TMPRSS11F: variants seen among roughly 807,000 people sequenced by gnomAD.
TMPRSS11F encodes transmembrane serine protease 11F.
Under a neutral mutation model 60.2 loss-of-function variants are expected in TMPRSS11F, and 47 were observed. The ratio of observed to expected loss-of-function variants is 0.78; its 90% CI spans 0.62 to 1.00. The LOEUF is 1.00. Among genes scored for constraint, TMPRSS11F ranks in the 50% least tolerant of loss-of-function variants. The pLI, the probability that TMPRSS11F is intolerant of heterozygous loss-of-function variation, is 0.00. For missense variants in TMPRSS11F, 519 were observed against 522.9 expected, an observed-to-expected ratio of 0.99 and a Z score of 0.07; for synonymous variants, 166 against 167.3, an observed-to-expected ratio of 0.99 and a Z score of 0.06.
chr4:68,122,178 C>A (rs537764104), intron 1 of TMPRSS11F, among the ~76,000 whole-genome samples: 1 of 151,980 alleles, frequency 6.6e-6, no homozygotes, highest in African/African-American at 2.4e-5. Flanking sequence ...AACTGTTGAG[C>A]TTTAAAAGAA....
Position 68,098,013 on chromosome 4 carries a change from T to C in TMPRSS11F, c.163+874A>G, listed in dbSNP as rs113079091. On this transcript the variant is annotated intron_variant, in intron 2 of 9. Transcript: ENST00000356291. ...AGTCTCAATCACCTGTGATTAAAAA[T>C]GCAGAAATCGGCGGGGCATGGTGGC... Among the ~76,000 whole-genome samples, 208 of 152,268 alleles carry C rather than the reference T, an allele frequency of 1.4e-3. 3 individuals carry two copies. Among genetic ancestry groups the C allele is most frequent in the African/African-American group, 4.9e-3 (204 of 41,558 alleles).
At chr4:68,098,761 A>T (rs1724129693) in intron 2 of TMPRSS11F, 126 bp downstream of exon 2, 1 of 868,868 alleles carries the variant, frequency 1.2e-6, no homozygotes, top group Non-Finnish European at 1.7e-6. Flanking sequence ...CTATAATTTA[A>T]CATCAGTAAA....
intron 8 of TMPRSS11F, chr4:68,063,216 A>G (rs980291675): frequency 7.7e-5 from 45 of 587,236 alleles, no homozygotes; most frequent in Non-Finnish European, 1.4e-4. Context: ...TACTTTTCTA[A>G]AACAGGTAAG....
At chr4:68,110,280 A>G (rs1212126574) in intron 1 of TMPRSS11F, among the ~76,000 whole-genome samples, 2 of 152,202 alleles carry the variant, frequency 1.3e-5, no homozygotes, top group African/African-American at 2.4e-5. Context: ...GCAGCAATGG[A>G]GAACAAATAC....
intron 4 of TMPRSS11F, among the ~76,000 whole-genome samples, chr4:68,072,818 C>T (rs558318819): frequency 6.6e-6 from 1 of 152,202 alleles, no homozygotes; most frequent in East Asian, 1.9e-4. Context: ...ACTTAAAAGG[C>T]TTGCTTTTTA....
Position 68,068,705 on chromosome 4 carries a change from C to T in TMPRSS11F, c.668G>A (p.Ser223Asn). The T allele has an allele frequency of 6.2e-7, 1 of 1,614,202 alleles. No individual in the cohort carries two copies. The change falls in exon 7 of 10, where the codon AGC becomes AAC. Residue 223 changes from serine to asparagine, a missense_variant. By Grantham distance (46) the Ser-to-Asn change is conservative (BLOSUM62 1). Coordinates refer to ENST00000356291, the MANE Select transcript of TMPRSS11F (RefSeq NM_207407.2). The part of the protein sequence containing the change: ...AMEGEWPWQA[S>N]LQLIGSGHQC... ...ATGGCCTGACCCTATGAGCTGGAGG[C>T]TGGCCTGCCATGGCCATTCCCCTTC...
intron 1 of TMPRSS11F, among the ~76,000 whole-genome samples, chr4:68,127,495 CT>C (rs1285314531): frequency 6.7e-6 from 1 of 150,246 alleles, no homozygotes; most frequent in African/African-American, 2.4e-5. Flanking sequence ...ATGAAAAAAA[CT>C]TGAATAACCT....
intron 8 of TMPRSS11F, chr4:68,062,287 T>C (rs572400772): frequency 8.1e-5 from 35 of 431,148 alleles, no homozygotes; most frequent in Non-Finnish European, 1.4e-4. Flanking sequence ...AAACATCTTA[T>C]TAAATTTCTG....
At chr4:68,058,004 A>G (rs1201282235) in intron 9 of TMPRSS11F, among the ~76,000 whole-genome samples, 1 of 152,218 alleles carries the variant, frequency 6.6e-6, no homozygotes, top group Admixed American at 6.5e-5. Flanking sequence ...CTATATGTGC[A>G]ATCTAAAAAA....
intron 9 of TMPRSS11F, among the ~76,000 whole-genome samples, chr4:68,057,527 G>C (rs757474313): frequency 2.6e-5 from 4 of 151,988 alleles, no homozygotes; most frequent in Admixed American, 2.0e-4. Flanking sequence ...TGAAAAGCTT[G>C]CACGGCAAAC....
At chr4:68,117,278 T>C (rs1305549988) in intron 1 of TMPRSS11F, among the ~76,000 whole-genome samples, 1 of 151,680 alleles carries the variant, frequency 6.6e-6, no homozygotes, top group East Asian at 1.9e-4. Context: ...CCATCCAGGC[T>C]AACACGGTGA....
intron 1 of TMPRSS11F, among the ~76,000 whole-genome samples, chr4:68,101,004 T>C (rs2109873055): frequency 6.6e-6 from 1 of 152,296 alleles, no homozygotes; most frequent in Admixed American, 6.5e-5. Flanking sequence ...CCCCCTTAGT[T>C]TTGTAGGTTT....
rs1308488868 is a variant in TMPRSS11F, at chr4:68,059,448, G to A, written c.1036C>T (p.Arg346Trp). The change falls in exon 9 of 10, where the codon CGG becomes TGG. Residue 346 changes from arginine to tryptophan, a missense_variant. Arg to Trp is a moderately radical substitution (Grantham distance 101). Coordinates refer to ENST00000356291, the MANE Select transcript of TMPRSS11F (RefSeq NM_207407.2). ...CTTATGGTTTCCACTCTGGCTTGCC[G>A]AAGTGTATTTTGTATAGGTCCTATT... is the stretch of plus-strand genomic sequence containing the variant. The part of the protein sequence containing the change: ...VDDGPIQNTL[R>W]QARVETISTD... 5.0e-6 allele frequency: 8 copies of A among 1,613,270 alleles called. No homozygotes were observed. Among genetic ancestry groups the A allele is most frequent in the African/African-American group, 2.7e-5 (2 of 74,788 alleles).
intron 6 of TMPRSS11F, 107 bp from the exon 7 acceptor site, chr4:68,068,926 C>T (rs1334935769): frequency 4.5e-6 from 5 of 1,109,154 alleles, no homozygotes; most frequent in Non-Finnish European, 6.6e-6. Context: ...CCATGTGAAC[C>T]ATTCATAGCA....
At chr4:68,095,524 G>A (rs184857443) in intron 2 of TMPRSS11F, among the ~76,000 whole-genome samples, 1 of 152,250 alleles carries the variant, frequency 6.6e-6, no homozygotes, top group Non-Finnish European at 1.5e-5. Flanking sequence ...AACACTAAAT[G>A]TTGGTGAGGA....
intron 5 of TMPRSS11F, among the ~76,000 whole-genome samples, chr4:68,070,523 C>T (rs1723435173): frequency 6.6e-6 from 1 of 152,192 alleles, no homozygotes; most frequent in Admixed American, 6.5e-5. Flanking sequence ...AGGTTGATAA[C>T]CTTGTCTCCC....
intron 3 of TMPRSS11F, chr4:68,077,130 A>G: frequency 6.6e-6 from 1 of 152,266 alleles, no homozygotes; most frequent in East Asian, 1.9e-4. Context: ...GTCCTGCAAG[A>G]AGGGTTCCAA....
intron 9 of TMPRSS11F, among the ~76,000 whole-genome samples, chr4:68,058,748 T>C (rs1327903954): frequency 6.6e-6 from 1 of 152,046 alleles, no homozygotes; most frequent in Admixed American, 6.6e-5. Context: ...TATAACATAG[T>C]AAGTGTATAT....
chr4:68,067,378 A>T (rs954948570), intron 7 of TMPRSS11F, among the ~76,000 whole-genome samples: 2 of 152,258 alleles, frequency 1.3e-5, no homozygotes, highest in South Asian at 2.1e-4. Flanking sequence ...ATTCCCATGT[A>T]GGTCTGTGAG....
Sources: allele counts gnomAD v4.1 joint callset (sites outside exome capture counted in the v4.1 genomes callset), GRCh38; gene constraint gnomAD v4.1.1; transcripts MANE v1.5; gene names NCBI Gene and HGNC (gene_info 2026-07-23, HGNC 2026-07-21).